The following GPHN variants were observed in gnomAD, a reference collection of about 807,000 sequenced individuals.
The protein encoded by GPHN is gephyrin.
A neutral mutation model predicts 95.5 loss-of-function variants in GPHN; 17 were observed. The observed-to-expected ratio is 0.18, with a 90% confidence interval of 0.12 to 0.27. The LOEUF (loss-of-function observed/expected upper bound fraction) is 0.27. GPHN is among the 10% of genes least tolerant of loss of function. The pLI is 1.00. For synonymous variants in GPHN, 320 were observed against 322.5 expected, an observed-to-expected ratio of 0.99 and a Z score of 0.08; for missense variants, 660 against 978.1, an observed-to-expected ratio of 0.67 and a Z score of 4.34.
the GPHN span, chr14:67,392,365 T>A: frequency 6.2e-7 from 1 of 1,613,780 alleles, no homozygotes; most frequent in Non-Finnish European, 8.5e-7. Context: ...CCGTGCCACT[T>A]AACTCCACAG....
chr14:66,889,051 C>A (rs1229405003), intron 5 of GPHN, among the ~76,000 whole-genome samples: 1 of 151,998 alleles, frequency 6.6e-6, no homozygotes, highest in African/African-American at 2.4e-5. Context: ...TAATATTATA[C>A]TTATAAACAT....
chr14:67,011,586 A>AAAG (rs1555463469), intron 9 of GPHN, among the ~76,000 whole-genome samples: 6 of 150,190 alleles, frequency 4.0e-5, no homozygotes, highest in Non-Finnish European at 8.9e-5. Flanking sequence ...AAAAAAAAAA[A>AAAG]AAAAAAAAAA....
At chr14:66,662,760 G>A (rs887544703) in intron 1 of GPHN, among the ~76,000 whole-genome samples, 1 of 152,218 alleles carries the variant, frequency 6.6e-6, no homozygotes, top group Non-Finnish European at 1.5e-5. Flanking sequence ...AGGTAAAATA[G>A]CCAGTATGGA....
chr14:66,738,932 T>C (rs1235225481), intron 2 of GPHN, among the ~76,000 whole-genome samples: 1 of 152,112 alleles, frequency 6.6e-6, no homozygotes, highest in Non-Finnish European at 1.5e-5. Context: ...TTATTATGGA[T>C]ATATATTTTA....
At chr14:66,607,797 A>G (rs1002616559) in intron 1 of GPHN, among the ~76,000 whole-genome samples, 5 of 151,924 alleles carry the variant, frequency 3.3e-5, no homozygotes, top group Non-Finnish European at 5.9e-5. Flanking sequence ...GATGTTCATA[A>G]TAGTCTCTGA....
At chr14:66,969,816 A>G (rs868039755) in intron 9 of GPHN, 11 of 151,826 alleles carry the variant, frequency 7.2e-5, no homozygotes, top group South Asian at 4.1e-4. Flanking sequence ...AAAAAAAAAA[A>G]AAAGAAAGAA....
chr14:67,453,231 A>C, the GPHN span, among the ~76,000 whole-genome samples: 1 of 152,176 alleles, frequency 6.6e-6, no homozygotes, highest in African/African-American at 2.4e-5. Context: ...GCTTGGGCCT[A>C]GGGCTCTGTC....
the GPHN span, among the ~76,000 whole-genome samples, chr14:67,496,971 T>C: frequency 6.6e-6 from 1 of 152,014 alleles, no homozygotes; most frequent in Non-Finnish European, 1.5e-5. Flanking sequence ...CTAATTTTTG[T>C]ATTTTTAGTA....
intron 3 of GPHN, among the ~76,000 whole-genome samples, chr14:66,798,000 C>G (rs1268431764): frequency 1.3e-5 from 2 of 151,860 alleles, no homozygotes; most frequent in Non-Finnish European, 3.0e-5. Context: ...TATATTCAGT[C>G]TATCCTCAGT....
At chr14:66,545,093 G>T (rs2059494005) in intron 1 of GPHN, among the ~76,000 whole-genome samples, 1 of 152,210 alleles carries the variant, frequency 6.6e-6, no homozygotes, top group Non-Finnish European at 1.5e-5. Flanking sequence ...GAGCTGCCGG[G>T]CACACCTCCC....
intron 10 of GPHN, among the ~76,000 whole-genome samples, chr14:67,056,590 G>C (rs112873364): frequency 0.048 from 7,261 of 152,320 alleles, 204 homozygotes; most frequent in Middle Eastern, 0.068. Context: ...GTGCTGATTG[G>C]TGCATATACA....
intron 1 of GPHN, among the ~76,000 whole-genome samples, chr14:66,636,453 G>A (rs996220632): frequency 2.6e-5 from 4 of 152,046 alleles, no homozygotes; most frequent in African/African-American, 9.6e-5. Flanking sequence ...TACTCAGTCA[G>A]CAGATTCCTT....
the GPHN span, among the ~76,000 whole-genome samples, chr14:67,306,161 G>A: frequency 2.6e-5 from 4 of 152,242 alleles, no homozygotes; most frequent in African/African-American, 9.6e-5. Context: ...GCAGAGATGG[G>A]GTTTCACTAT....
chr14:67,498,747 C>G, the GPHN span, among the ~76,000 whole-genome samples: 1 of 151,674 alleles, frequency 6.6e-6, no homozygotes, highest in African/African-American at 2.4e-5. Context: ...CTCACCGCAG[C>G]CTCCATCTCC....
the GPHN span, chr14:67,569,343 G>C: frequency 3.2e-6 from 2 of 629,322 alleles, no homozygotes; most frequent in Non-Finnish European, 5.6e-6. Context: ...CCCCTCCCCA[G>C]CAGGTGAAGT....
intron 1 of GPHN, among the ~76,000 whole-genome samples, chr14:66,510,444 A>G (rs1003915967): frequency 6.6e-6 from 1 of 152,246 alleles, no homozygotes; most frequent in Non-Finnish European, 1.5e-5. Context: ...CATAGCAGAT[A>G]GGTGTTGTAC....
At chr14:67,467,091 G>A in the GPHN span, 5 of 151,782 alleles carry the variant, frequency 3.3e-5, no homozygotes, top group African/African-American at 9.7e-5. Flanking sequence ...TCTCTTCCTG[G>A]AAGAATCCTT....
At chr14:67,388,034 T>C in the GPHN span, among the ~76,000 whole-genome samples, 6 of 152,228 alleles carry the variant, frequency 3.9e-5, no homozygotes, top group African/African-American at 1.2e-4. Flanking sequence ...GATTACTTAG[T>C]TGTATTCTTA....
chr14:67,359,481 A>T, the GPHN span, among the ~76,000 whole-genome samples: 1 of 151,964 alleles, frequency 6.6e-6, no homozygotes, highest in Non-Finnish European at 1.5e-5. Context: ...TGATTCACTC[A>T]GGAGGAATGC....
Sources: gnomAD v4.1 joint callset for allele counts (sites outside exome capture counted in the v4.1 genomes callset) on GRCh38, gnomAD v4.1.1 for gene constraint, MANE v1.5 for transcripts, NCBI Gene and HGNC (gene_info 2026-07-23, HGNC 2026-07-21) for gene names.